AP3D1: variants seen among roughly 807,000 people sequenced by gnomAD.
AP3D1 encodes adaptor related protein complex 3 subunit delta 1.
In AP3D1, 51 loss-of-function variants were observed where a neutral mutation model predicts 147.6. The observed-to-expected ratio is 0.35, with a 90% CI of 0.28 to 0.44. AP3D1 has a LOEUF of 0.44. Ranked by LOEUF, AP3D1 falls within the 20% of genes least tolerant of loss-of-function variation. The pLI is 1.00. For synonymous variants in AP3D1, 760 were observed against 663.0 expected (o/e 1.15, Z -2.25); for missense variants, 1,421 against 1,624.2 (o/e 0.87, Z 2.15).
intron 18 of AP3D1, among the ~76,000 whole-genome samples, 195 bp downstream of exon 18, chr19:2,116,012 C>T (rs1374389587): frequency 4.6e-5 from 7 of 152,258 alleles, no homozygotes; most frequent in African/African-American, 9.6e-5. Flanking sequence ...GAACAGGGCC[C>T]CCCGGCTGGA....
chr19:2,127,448 C>T (rs78943382), intron 8 of AP3D1, among the ~76,000 whole-genome samples: 397 of 152,338 alleles, frequency 2.6e-3, no homozygotes, highest in African/African-American at 9.0e-3. Context: ...CACGCAGGGA[C>T]GGACCACGCA....
In AP3D1 at chr19:2,109,220, C is replaced by T; in HGVS notation, c.3351-13G>A. 5 of 1,570,536 alleles carry T rather than the reference C, an allele frequency of 3.2e-6. No homozygotes were observed. The highest frequency in any genetic ancestry group is 4.3e-6 in the Non-Finnish European group (5 of 1,161,206). ...AGCAAAGGCGTCACTGTGGGAGGGACAGGGAGGCTGACTGCGGTGGGGCCG... is the reference window on the plus strand; with the variant it reads ...AGCAAAGGCGTCACTGTGGGAGGGATAGGGAGGCTGACTGCGGTGGGGCCG... On this transcript the variant is annotated splice_polypyrimidine_tract_variant and intron_variant, in intron 29 of 31. Coordinates refer to ENST00000643116, the MANE Select transcript of AP3D1 (RefSeq NM_001261826.3).
At chr19:2,160,449 G>A (rs1295892613) in intron 1 of AP3D1, among the ~76,000 whole-genome samples, 11 of 152,050 alleles carry the variant, frequency 7.2e-5, no homozygotes, top group Non-Finnish European at 1.3e-4. Flanking sequence ...GAATCGAATC[G>A]CTTGAAACCA....
intron 1 of AP3D1, among the ~76,000 whole-genome samples, chr19:2,144,107 C>T (rs1228685533): frequency 6.6e-6 from 1 of 150,800 alleles, no homozygotes; most frequent in Non-Finnish European, 1.5e-5. Flanking sequence ...AAAAAGAATT[C>T]CAAGTCCCAA....
At chr19:2,149,727 A>T (rs2019455550) in intron 1 of AP3D1, among the ~76,000 whole-genome samples, 1 of 152,124 alleles carries the variant, frequency 6.6e-6, no homozygotes, top group Non-Finnish European at 1.5e-5. Flanking sequence ...CCTCCACTGG[A>T]CAGACCCCCT....
At chr19:2,159,409 G>A (rs1334324677) in intron 1 of AP3D1, among the ~76,000 whole-genome samples, 1 of 150,162 alleles carries the variant, frequency 6.7e-6, no homozygotes, top group Non-Finnish European at 1.5e-5. Context: ...TTTTTTTTGA[G>A]ACGGAGTCTC....
Position 2,108,712 on chromosome 19 carries a change from T to A in AP3D1, c.3527A>T (p.His1176Leu). Reference sequence around the variant, plus strand: ...CTTTTTCACCAGGAGGCAGACATGGTGGCCCTGGATGGAGCGGCTGTACAT... The same window carrying A: ...CTTTTTCACCAGGAGGCAGACATGGAGGCCCTGGATGGAGCGGCTGTACAT... ...ASMYSRSIQG[H>L]HVCLLVKKGE... The change falls in exon 31 of 32, where the codon CAC (histidine) becomes CTC (leucine). Residue 1176 changes from histidine (H) to leucine (L), a missense_variant. This residue lies in a region of AP3D1 where 791 missense variants were observed against 761.4 expected (regional missense o/e 1.04). Coordinates refer to ENST00000643116, the MANE Select transcript of AP3D1 (RefSeq NM_001261826.3). The A allele has an allele frequency of 6.3e-7, 1 of 1,583,442 alleles. No individual in the cohort carries two copies. Among genetic ancestry groups the A allele is most frequent in the Non-Finnish European group, 8.6e-7 (1 of 1,165,124 alleles).
intron 30 of AP3D1, 149 bp from the exon 31 acceptor site, chr19:2,108,915 TG>T: frequency 7.7e-7 from 1 of 1,297,474 alleles, no homozygotes; most frequent in Non-Finnish European, 1.1e-6. Flanking sequence ...GCCTGGGGTG[TG>T]GGGAATGCAG....
At position 2,141,349 on chromosome 19, in the gene AP3D1, G is replaced by A. The variant is rs1421726803; in HGVS notation, c.97-2635C>T. Among the ~76,000 whole-genome samples the A allele has an allele frequency of 1.5e-4, 22 of 151,648 alleles. 1 individual carries two copies. The highest frequency in any genetic ancestry group is 1.4e-3 in the Admixed American group (22 of 15,182). On this transcript the variant is annotated intron_variant, in intron 1 of 31. Transcript: ENST00000643116. The stretch of plus-strand genomic sequence containing the variant: ...TGGGATGTAATTTAGAACACAGGGT[G>A]CGTATTTCCTTTATACACTAAGTCC...
rs10404294 is a variant in AP3D1 at position 2,127,142 on chromosome 19, C to T, written c.856+10G>A. 7,279 of 1,613,836 alleles carry T rather than the reference C, an allele frequency of 4.5e-3. 258 individuals carry two copies. In the African/African-American group the frequency reaches 0.081, roughly 18 times the overall value. On this transcript the variant is annotated intron_variant, in intron 9 of 31. Transcript: ENST00000643116. ...CAGCCCTTCCAGATGGGGAGAGTGC[C>T]AGTTCTCACCTGCAATCACGGTGTT... is the stretch of plus-strand genomic sequence containing the variant.
rs559437306 is a variant in AP3D1, at chr19:2,162,406, G to T, written c.-103+1950C>A. Among the ~76,000 whole-genome samples the T allele has an allele frequency of 4.7e-5, 7 of 149,902 alleles. No individual in the cohort carries two copies. The East Asian group carries it at 1.0e-3, about 22-fold the overall frequency. On this transcript the variant is annotated intron_variant, in intron 1 of 14. Transcript: ENST00000643010. ...TGATGCCTATAAATCTCCGAATTTC[G>T]AATTTCGGGAGGCTGAGGAGGGCGG...
chr19:2,110,061 C>T (rs1467180528), intron 28 of AP3D1, 75 bp downstream of exon 28: 1 of 1,586,558 alleles, frequency 6.3e-7, no homozygotes, highest in Non-Finnish European at 8.6e-7. Flanking sequence ...GACACCTGGA[C>T]ACCCACTGCG....
upstream of AP3D1, among the ~76,000 whole-genome samples, chr19:2,152,019 T>C (rs35166564): frequency 0.28 from 42,789 of 152,132 alleles, 7,453 homozygotes; most frequent in Non-Finnish European, 0.4. Context: ...GATCCTGTGG[T>C]TCCCGCAGCC....
rs187989204 is a variant in AP3D1, at chr19:2,110,334, G to A, written c.3176-110C>T. ...GTCCTCTGTGGCTGATTAGGAAACT[G>A]AGCTCAGCCCCCAAGGGAGCACCAG... On this transcript the variant is annotated intron_variant, in intron 27 of 31. Transcript: ENST00000643116. The A allele has an allele frequency of 6.5e-6, 6 of 928,424 alleles. No homozygotes were observed. In the East Asian group the frequency reaches 1.3e-4, roughly 20 times the overall value. 57.5% of individuals were successfully genotyped at this position (928,424 alleles called of 1,614,324 possible). A position where few individuals can be genotyped will look rare whatever the true frequency, so the allele number is the denominator to read the frequency against.
chr19:2,119,644 C>T (rs925219283), intron 14 of AP3D1, among the ~76,000 whole-genome samples: 3 of 141,446 alleles, frequency 2.1e-5, no homozygotes, highest in African/African-American at 5.3e-5. Context: ...TGCAGTGAGC[C>T]GAGATCATGC....
intron 17 of AP3D1, 28 bp from the exon 18 acceptor site, chr19:2,116,306 G>A (rs755291741): frequency 2.3e-5 from 37 of 1,608,332 alleles, no homozygotes; most frequent in Middle Eastern, 1.6e-4. Flanking sequence ...GCATGAGCCC[G>A]AGAGAAGCGG....
At chr19:2,103,119 T>C (rs919244983) in intron 31 of AP3D1, among the ~76,000 whole-genome samples, 3 of 152,118 alleles carry the variant, frequency 2.0e-5, no homozygotes, top group African/African-American at 4.8e-5. Flanking sequence ...AGTGAGTTCC[T>C]ACCTCAAAAA....
intron 2 of AP3D1, 58 bp downstream of exon 2, chr19:2,138,561 G>A (rs1226164878): frequency 1.5e-5 from 20 of 1,291,262 alleles, no homozygotes; most frequent in Admixed American, 8.4e-5. Context: ...TAGGGGACAC[G>A]TGCTGAGTGG....
intron 31 of AP3D1, among the ~76,000 whole-genome samples, 169 bp downstream of exon 31, chr19:2,108,518 C>G (rs973700127): frequency 5.9e-5 from 9 of 152,214 alleles, no homozygotes; most frequent in Non-Finnish European, 1.2e-4. Flanking sequence ...GAGGGAGAGT[C>G]TGTGCTGCTG....
Sources: gnomAD v4.1 joint callset for allele counts (sites outside exome capture counted in the v4.1 genomes callset) on GRCh38, gnomAD v4.1.1 for gene constraint, gnomAD v4.1.1 regional missense constraint, MANE v1.5 for transcripts, NCBI Gene and HGNC (gene_info 2026-07-23, HGNC 2026-07-21) for gene names.